The following CFAP299 variants were observed in gnomAD, a reference collection of about 807,000 sequenced individuals.
CFAP299 encodes cilia and flagella associated protein 299.
Under a neutral mutation model 27.0 loss-of-function variants are expected in CFAP299, and 21 were observed. The ratio of observed to expected loss-of-function variants is 0.78; its 90% confidence interval spans 0.55 to 1.12. The LOEUF is 1.12. Among genes scored for constraint, CFAP299 ranks in the 50% most tolerant of loss-of-function variants. The pLI, the probability that CFAP299 is intolerant of heterozygous loss-of-function variation, is 0.00. For missense variants in CFAP299, 310 were observed against 276.6 expected, an observed-to-expected ratio of 1.12 and a Z score of -0.86; for synonymous variants, 104 against 98.1, an observed-to-expected ratio of 1.06 and a Z score of -0.36.
In CFAP299 at chr4:80,869,996, G is replaced by A. The variant is rs149721279; in HGVS notation, c.337G>A (p.Val113Met). 1.6e-5 allele frequency: 26 copies of A among 1,608,394 alleles called. No homozygotes were observed. Among genetic ancestry groups the A allele is most frequent in the Middle Eastern group, 1.7e-4 (1 of 6,032 alleles). ...ATTCTCTATTCTGTGCTACCAGTCC[G>A]TGATCTTTATTCGTGACAGAAATTC... The part of the protein sequence containing the change: ...EDNRSGKLSS[V>M]IFIRDRNSHG... The change falls in exon 4 of 6, where the codon GTG becomes ATG. Residue 113 changes from valine (V) to methionine (M), a missense_variant. Physicochemically the swap from Val to Met is conservative, Grantham distance 21. Transcript: ENST00000358105.
In CFAP299 at chr4:80,777,168, A is replaced by G. The variant is rs1180009808; in HGVS notation, c.334-92825A>G. ...AAGGACTAAATTTCCCCTATTCTGCACATTACTCTTATAGAGAAGCATTTG... is the reference window on the plus strand; with the variant it reads ...AAGGACTAAATTTCCCCTATTCTGCGCATTACTCTTATAGAGAAGCATTTG... On this transcript the variant is annotated intron_variant, in intron 3 of 5. Transcript: ENST00000358105. 2.0e-5 allele frequency among the ~76,000 whole-genome samples: 3 copies of G among 152,168 alleles called. No homozygotes were observed. In the East Asian group the frequency reaches 5.8e-4, roughly 29 times the overall value.
At chr4:80,924,538 G>GTGTATATATATATA (rs5859742) in intron 4 of CFAP299, among the ~76,000 whole-genome samples, 1 of 131,670 alleles carries the variant, frequency 7.6e-6, no homozygotes, top group African/African-American at 3.1e-5. Context: ...GTGTGTGTGT[G>GTGTATATATATATA]TATATATATA....
chr4:80,824,192 AC>A (rs1332776856), intron 3 of CFAP299, among the ~76,000 whole-genome samples: 1 of 152,114 alleles, frequency 6.6e-6, no homozygotes, highest in Non-Finnish European at 1.5e-5. Context: ...ATACTTTGGA[AC>A]TTTTAAGTCT....
At chr4:80,686,435 A>C (rs1037627731) in intron 3 of CFAP299, among the ~76,000 whole-genome samples, 5 of 152,200 alleles carry the variant, frequency 3.3e-5, no homozygotes, top group African/African-American at 1.2e-4. Context: ...CTATGTTATA[A>C]AAATACTTTC....
At chr4:80,631,868 C>A (rs1222586609) in intron 3 of CFAP299, among the ~76,000 whole-genome samples, 3 of 107,754 alleles carry the variant, frequency 2.8e-5, no homozygotes, top group East Asian at 4.5e-4. Context: ...TGCCCCACCC[C>A]CCCCCAACCA....
chr4:80,623,830 T>G (rs1448957730), intron 3 of CFAP299, among the ~76,000 whole-genome samples: 1 of 152,084 alleles, frequency 6.6e-6, no homozygotes, highest in African/African-American at 2.4e-5. Context: ...ATCATCCTAG[T>G]GCAAGACAGG....
intron 1 of CFAP299, among the ~76,000 whole-genome samples, chr4:80,341,851 C>G (rs1388423369): frequency 6.6e-6 from 1 of 152,148 alleles, no homozygotes; most frequent in Non-Finnish European, 1.5e-5. Flanking sequence ...GTAGGCTTCA[C>G]AAGTTGGGTA....
In CFAP299 at chr4:80,955,028, A is replaced by C. The variant is rs1302812716; in HGVS notation, c.607-8489A>C. ...AAAAAAAAAAAAAAAAAAAAAAAAA[A>C]AAAAAACGCACACATGGCCATATAC... On this transcript the variant is annotated intron_variant, in intron 5 of 5. Transcript: ENST00000358105. Among the ~76,000 whole-genome samples the C allele has an allele frequency of 4.9e-3, 527 of 106,698 alleles. 101 individuals are homozygous for C. Among genetic ancestry groups the C allele is most frequent in the African/African-American group, 8.5e-3 (239 of 28,092 alleles). The allele number at this position is 106,698 out of a possible 152,430, so 70.0% of individuals were successfully genotyped here. A position where few individuals can be genotyped will look rare whatever the true frequency, so the allele number is the denominator to read the frequency against.
intron 4 of CFAP299, among the ~76,000 whole-genome samples, chr4:80,917,271 G>A (rs1267531581): frequency 2.6e-5 from 4 of 152,030 alleles, no homozygotes; most frequent in African/African-American, 7.2e-5. Context: ...GCAGATAACC[G>A]ATCTGGGCAA....
intron 3 of CFAP299, among the ~76,000 whole-genome samples, chr4:80,677,795 A>G (rs1719565241): frequency 1.3e-5 from 2 of 152,198 alleles, no homozygotes; most frequent in African/African-American, 2.4e-5. Flanking sequence ...TTTATAGCAG[A>G]CACAAGAGTT....
chr4:80,858,110 T>G (rs1732045433), intron 3 of CFAP299, among the ~76,000 whole-genome samples: 1 of 152,220 alleles, frequency 6.6e-6, no homozygotes, highest in South Asian at 2.1e-4. Flanking sequence ...ATTCAGAGAT[T>G]CAACTTCTTC....
intron 2 of CFAP299, among the ~76,000 whole-genome samples, chr4:80,517,682 GAGC>G (rs1384995508): frequency 6.6e-6 from 1 of 152,172 alleles, no homozygotes; most frequent in East Asian, 1.9e-4. Context: ...AGCCATGAGT[GAGC>G]TGGTGATGTT....
At chr4:80,904,568 T>G (rs1347695558) in intron 4 of CFAP299, among the ~76,000 whole-genome samples, 1 of 152,146 alleles carries the variant, frequency 6.6e-6, no homozygotes, top group Non-Finnish European at 1.5e-5. Context: ...GACTTTTTTC[T>G]TGATTAATAT....
chr4:80,667,605 T>G (rs985377936), intron 3 of CFAP299, among the ~76,000 whole-genome samples: 1 of 152,162 alleles, frequency 6.6e-6, no homozygotes, highest in Non-Finnish European at 1.5e-5. Context: ...TTTTTGTATT[T>G]GGCTTATATC....
chr4:80,514,656 C>T (rs547371881), intron 2 of CFAP299, among the ~76,000 whole-genome samples: 1 of 152,040 alleles, frequency 6.6e-6, no homozygotes, highest in Non-Finnish European at 1.5e-5. Flanking sequence ...ACTAACACAT[C>T]TTTGTTTACC....
intron 2 of CFAP299, among the ~76,000 whole-genome samples, chr4:80,452,316 C>A (rs1728941363): frequency 6.6e-6 from 1 of 151,956 alleles, no homozygotes; most frequent in Non-Finnish European, 1.5e-5. Flanking sequence ...TCATTTCATT[C>A]CCTATTTGTT....
At chr4:80,404,522 A>G (rs1726319631) in intron 2 of CFAP299, among the ~76,000 whole-genome samples, 1 of 152,188 alleles carries the variant, frequency 6.6e-6, no homozygotes, top group African/African-American at 2.4e-5. Context: ...ACCTCGTCTA[A>G]GTGGAATCAC....
chr4:80,952,498 G>A (rs1176980133), intron 5 of CFAP299, among the ~76,000 whole-genome samples: 5 of 152,022 alleles, frequency 3.3e-5, no homozygotes, highest in Admixed American at 6.6e-5. Flanking sequence ...CAGGGTAACG[G>A]CAATGTGTTA....
chr4:80,566,898 G>T (rs554466213), intron 2 of CFAP299, among the ~76,000 whole-genome samples: 8 of 152,140 alleles, frequency 5.3e-5, no homozygotes, highest in Non-Finnish European at 8.8e-5. Flanking sequence ...GAAAGTGTGA[G>T]ACTATCTTGA....
Sources: allele counts gnomAD v4.1 joint callset (sites outside exome capture counted in the v4.1 genomes callset), GRCh38; gene constraint gnomAD v4.1.1; transcripts MANE v1.5; gene names NCBI Gene and HGNC (gene_info 2026-07-23, HGNC 2026-07-21).